The following ST3GAL6 variants were observed in gnomAD, a reference collection of about 807,000 sequenced individuals.
ST3GAL6 encodes the protein type 2 lactosamine alpha-2,3-sialyltransferase.
ST3GAL6 carries 31 observed loss-of-function variants against 40.5 expected under a neutral mutation model. The ratio of observed to expected loss-of-function variants is 0.77; its 90% CI spans 0.58 to 1.03. The LOEUF (loss-of-function observed/expected upper bound fraction) is 1.03. ST3GAL6 is among the 50% of genes least tolerant of loss of function. The probability of loss-of-function intolerance (pLI) is 0.00; values close to 1 mark genes in which losing one functional copy is unlikely to be tolerated. For missense variants in ST3GAL6, 357 were observed against 393.2 expected, an observed-to-expected ratio of 0.91 and a Z score of 0.78; for synonymous variants, 129 against 136.9, an observed-to-expected ratio of 0.94 and a Z score of 0.40.
chr3:98,733,360 C>T, intron 1 of ST3GAL6: 2 of 1,079,778 alleles, frequency 1.9e-6, no homozygotes, highest in Non-Finnish European at 2.2e-6. Context: ...CTCTGGGACC[C>T]TCTTTTGTCG....
At chr3:98,753,829 C>G (rs914277076) in intron 1 of ST3GAL6, among the ~76,000 whole-genome samples, 1 of 152,154 alleles carries the variant, frequency 6.6e-6, no homozygotes, top group African/African-American at 2.4e-5. Context: ...TCTACTCATC[C>G]TGTGTGCTAT....
intron 5 of ST3GAL6, among the ~76,000 whole-genome samples, chr3:98,781,796 C>T (rs1023371388): frequency 6.6e-6 from 1 of 152,190 alleles, no homozygotes; most frequent in Non-Finnish European, 1.5e-5. Flanking sequence ...AGATATTCCC[C>T]CTCTACCCCT....
chr3:98,791,768 C>G, intron 8 of ST3GAL6, 73 bp from the exon 9 acceptor site: 1 of 1,373,110 alleles, frequency 7.3e-7, no homozygotes. Context: ...TTATATGATT[C>G]AGCCAACCAA....
intron 1 of ST3GAL6, among the ~76,000 whole-genome samples, chr3:98,744,854 A>C (rs1364771472): frequency 6.6e-6 from 1 of 152,158 alleles, no homozygotes; most frequent in Non-Finnish European, 1.5e-5. Context: ...GAACTTTGGC[A>C]TGTCAAAGAT....
chr3:98,737,784 G>A (rs931578832), intron 1 of ST3GAL6, among the ~76,000 whole-genome samples: 11 of 152,166 alleles, frequency 7.2e-5, no homozygotes, highest in Admixed American at 2.6e-4. Context: ...AAAGTAAAGG[G>A]ATGGAGAAAA....
At chr3:98,749,789 G>A (rs990380499) in intron 1 of ST3GAL6, among the ~76,000 whole-genome samples, 1 of 152,226 alleles carries the variant, frequency 6.6e-6, no homozygotes, top group African/African-American at 2.4e-5. Context: ...AGGAAGGGCT[G>A]TGTATTCAGA....
intron 3 of ST3GAL6, chr3:98,771,174 G>T: frequency 6.8e-7 from 1 of 1,468,894 alleles, no homozygotes; most frequent in South Asian, 1.2e-5. Context: ...AATCAAACCA[G>T]TATTCTTTTC....
chr3:98,792,673 A>ATT (rs11305556), intron 9 of ST3GAL6, among the ~76,000 whole-genome samples: 2 of 132,962 alleles, frequency 1.5e-5, no homozygotes, highest in African/African-American at 5.6e-5. Context: ...CGACCGGCTA[A>ATT]TTTTTTTTTT....
Position 98,788,528 on chromosome 3 carries a change from G to A in ST3GAL6, c.756+65G>A, listed in dbSNP as rs1361934485. 2.1e-6 allele frequency: 3 copies of A among 1,460,090 alleles called. No individual in the cohort carries two copies. The African/African-American group carries it at 4.3e-5, about 21-fold the overall frequency. The allele number at this position is 1,460,090 out of a possible 1,614,324, so 90.4% of individuals were successfully genotyped here. Reference sequence around the variant, plus strand: ...GGCTGAGGTAGGATAGAGGGTCCTGGGAACTCTCAGAAACTGTATGAGAAC... The same window carrying A: ...GGCTGAGGTAGGATAGAGGGTCCTGAGAACTCTCAGAAACTGTATGAGAAC... On this transcript the variant is annotated intron_variant, in intron 8 of 9. Coordinates refer to ENST00000483910, the MANE Select transcript of ST3GAL6 (RefSeq NM_001323368.2).
chr3:98,738,155 T>C (rs1436622508), intron 1 of ST3GAL6, among the ~76,000 whole-genome samples: 1 of 141,190 alleles, frequency 7.1e-6, no homozygotes, highest in Non-Finnish European at 1.5e-5. Flanking sequence ...CCCTTCACCT[T>C]TTGCCAGGAG....
Position 98,788,406 on chromosome 3 carries a change from T to A in ST3GAL6, c.699T>A (p.Ile233=), listed in dbSNP as rs1183386770. The A allele has an allele frequency of 2.5e-6, 4 of 1,613,356 alleles. No homozygotes were observed. Among genetic ancestry groups the A allele is most frequent in the Non-Finnish European group, 3.4e-6 (4 of 1,179,788 alleles). The change falls in exon 8 of 10, where the codon ATT becomes ATA. Residue 233 remains isoleucine, a synonymous_variant. Transcript: ENST00000483910. ...AAATCCGAATATTAGATCCTTTCAT[T>A]ATCAGAACAGCAGCTTATGAACTGC... ...PYQIRILDPF[I]IRTAAYELLH... is the part of the protein sequence containing the mutation.
chr3:98,755,011 C>T (rs1937314279), intron 1 of ST3GAL6, among the ~76,000 whole-genome samples: 1 of 152,172 alleles, frequency 6.6e-6, no homozygotes, highest in African/African-American at 2.4e-5. Context: ...ACTGAACATG[C>T]AATATCTCTT....
intron 3 of ST3GAL6, chr3:98,771,236 T>C: frequency 8.8e-7 from 1 of 1,130,452 alleles, no homozygotes; most frequent in Non-Finnish European, 1.2e-6. Context: ...AAAAAGCGAA[T>C]TGTTCTTTAG....
At chr3:98,734,345 C>G (rs1362829233) in intron 1 of ST3GAL6, among the ~76,000 whole-genome samples, 2 of 152,112 alleles carry the variant, frequency 1.3e-5, no homozygotes, top group Admixed American at 6.6e-5. Context: ...AAAACGATGC[C>G]CTTAGACTGT....
chr3:98,743,700 T>A (rs1486041022), intron 1 of ST3GAL6, among the ~76,000 whole-genome samples: 1 of 152,214 alleles, frequency 6.6e-6, no homozygotes, highest in Non-Finnish European at 1.5e-5. Flanking sequence ...AAGGGTACCA[T>A]GTGTTCCCAC....
intron 5 of ST3GAL6, 23 bp downstream of exon 5, chr3:98,774,006 A>C: frequency 4.4e-6 from 7 of 1,592,500 alleles, no homozygotes; most frequent in Non-Finnish European, 6.0e-6. Flanking sequence ...CCTTGCTTCT[A>C]GTCTGGCTTT....
At chr3:98,765,526 A>G (rs1471654357) in intron 1 of ST3GAL6, among the ~76,000 whole-genome samples, 3 of 152,204 alleles carry the variant, frequency 2.0e-5, no homozygotes, top group African/African-American at 4.8e-5. Context: ...TGCTTTTACT[A>G]TTAAAGCAAA....
chr3:98,768,842 G>A (rs182420677), intron 2 of ST3GAL6, among the ~76,000 whole-genome samples: 1 of 152,302 alleles, frequency 6.6e-6, no homozygotes, highest in East Asian at 1.9e-4. Context: ...ACTGGGCTCA[G>A]TGGTACTTTT....
In ST3GAL6 at chr3:98,768,544, G is replaced by T; in HGVS notation, c.89+15G>T. The T allele has an allele frequency of 6.3e-7, 1 of 1,577,536 alleles. No individual in the cohort carries two copies. Among genetic ancestry groups the T allele is most frequent in the Non-Finnish European group, 8.7e-7 (1 of 1,148,104 alleles). The stretch of plus-strand genomic sequence containing the variant: ...AATGTCTATTGGTAAGTTTCATTTT[G>T]TTATTTAAAAATAACTCTCAACCTA... On this transcript the variant is annotated intron_variant, in intron 2 of 9. Coordinates refer to ENST00000483910, the MANE Select transcript of ST3GAL6 (RefSeq NM_001323368.2).
Sources: gnomAD v4.1 joint callset for allele counts (sites outside exome capture counted in the v4.1 genomes callset) on GRCh38, gnomAD v4.1.1 for gene constraint, MANE v1.5 for transcripts, NCBI Gene and HGNC (gene_info 2026-07-23, HGNC 2026-07-21) for gene names.